Variants in CA1 observed in about 807,000 individuals in gnomAD.
CA1 encodes carbonate dehydratase I.
Under a neutral mutation model 28.8 loss-of-function variants are expected in CA1, and 27 were observed. That is an observed-to-expected ratio of 0.94 (90% CI 0.69 to 1.29). The LOEUF (loss-of-function observed/expected upper bound fraction) is 1.29. Ranked by LOEUF, CA1 falls within the 50% of genes most tolerant of loss-of-function variation. The pLI is 0.00. For missense variants in CA1, 335 were observed against 310.5 expected (o/e 1.08, Z -0.59); for synonymous variants, 121 against 108.8 (o/e 1.11, Z -0.70).
intron 1 of CA1, among the ~76,000 whole-genome samples, chr8:85,375,871 G>T (rs770729394): frequency 6.6e-6 from 1 of 152,184 alleles, no homozygotes; most frequent in Admixed American, 6.6e-5. Flanking sequence ...TGTTAATCAC[G>T]TAGGGAATGG....
intron 4 of CA1, among the ~76,000 whole-genome samples, chr8:85,335,105 A>T (rs535870847): frequency 2.0e-4 from 30 of 152,288 alleles, no homozygotes; most frequent in African/African-American, 7.0e-4. Flanking sequence ...ATTAAGAGGG[A>T]TCACTTATTG....
At chr8:85,333,681 A>G in intron 4 of CA1, 61 bp from the exon 5 acceptor site, 1 of 1,096,086 alleles carries the variant, frequency 9.1e-7, no homozygotes, top group Non-Finnish European at 1.4e-6. Flanking sequence ...AAGATAAGTT[A>G]TAAGTTAACT....
intron 1 of CA1, among the ~76,000 whole-genome samples, chr8:85,376,909 A>G (rs1003721360): frequency 6.6e-6 from 1 of 152,046 alleles, no homozygotes; most frequent in African/African-American, 2.4e-5. Flanking sequence ...TGATTCTCTG[A>G]TACAGTATCC....
intron 1 of CA1, among the ~76,000 whole-genome samples, chr8:85,357,995 G>C (rs1227289429): frequency 1.3e-5 from 2 of 152,092 alleles, no homozygotes; most frequent in African/African-American, 4.8e-5. Flanking sequence ...ACTAAGCATA[G>C]ATCTATGAAA....
chr8:85,358,772 C>T (rs1809694031), intron 1 of CA1, among the ~76,000 whole-genome samples: 1 of 152,144 alleles, frequency 6.6e-6, no homozygotes, highest in Non-Finnish European at 1.5e-5. Context: ...ACAGATGAGC[C>T]ATGTGAGAAA....
intron 2 of CA1, chr8:85,341,151 A>AC (rs925672018): frequency 1.3e-5 from 2 of 154,170 alleles, no homozygotes; most frequent in African/African-American, 4.8e-5. Flanking sequence ...TCAAAGAAAA[A>AC]AAAATTAATA....
intron 1 of CA1, among the ~76,000 whole-genome samples, chr8:85,355,004 G>T (rs1011163089): frequency 1.3e-5 from 2 of 152,168 alleles, no homozygotes; most frequent in Non-Finnish European, 2.9e-5. Context: ...TTGGTCTTAT[G>T]TAACAGCCAA....
chr8:85,358,432 A>G (rs2645050), intron 1 of CA1, among the ~76,000 whole-genome samples: 18,205 of 152,196 alleles, frequency 0.12, 1,353 homozygotes, highest in South Asian at 0.17. Flanking sequence ...TGTATTTATT[A>G]TATGCTTCCC....
chr8:85,357,062 C>G (rs1333348997), intron 1 of CA1, among the ~76,000 whole-genome samples: 1 of 152,096 alleles, frequency 6.6e-6, no homozygotes, highest in African/African-American at 2.4e-5. Flanking sequence ...TAATTGAACA[C>G]ATTACTATTT....
At chr8:85,364,489 TAATC>T (rs1278260282) in intron 1 of CA1, among the ~76,000 whole-genome samples, 2 of 152,226 alleles carry the variant, frequency 1.3e-5, no homozygotes, top group African/African-American at 2.4e-5. Flanking sequence ...CTTCAGTAGA[TAATC>T]AAACACTTTT....
In CA1 at chr8:85,341,670, A is replaced by C. The variant is rs766472185; in HGVS notation, c.-24-11T>G. 33 of 1,441,200 alleles carry C rather than the reference A, an allele frequency of 2.3e-5. No homozygotes were observed. Among genetic ancestry groups the C allele is most frequent in the Middle Eastern group, 1.7e-4 (1 of 5,802 alleles). 89.3% of individuals were successfully genotyped at this position (1,441,200 alleles called of 1,614,324 possible). ...CTGAGTTTTCTTTTTCTGAAAACAA[A>C]AATAATACCTGGAATAACTAACTGC... On this transcript the variant is annotated splice_polypyrimidine_tract_variant and intron_variant, in intron 1 of 7. Transcript: ENST00000523022.
intron 6 of CA1, among the ~76,000 whole-genome samples, chr8:85,331,601 T>G (rs1169248876): frequency 2.0e-5 from 3 of 151,912 alleles, no homozygotes; most frequent in African/African-American, 7.3e-5. Flanking sequence ...GGACTACATG[T>G]GTGCGCCACC....
rs1384104427 is a variant in CA1, at chr8:85,350,606, G to A, written c.-24-8947C>T. ...ACTGCCTGAGGGTTGCAAAATGAGG[G>A]GATGACATGTTGGCAAGTGCCTCAG... is the stretch of plus-strand genomic sequence containing the variant. On this transcript the variant is annotated intron_variant, in intron 1 of 7. Transcript: ENST00000523022. Among the ~76,000 whole-genome samples, 4 of 152,244 alleles carry A rather than the reference G, an allele frequency of 2.6e-5. No homozygotes were observed. The East Asian group carries it at 7.7e-4, about 29-fold the overall frequency.
intron 1 of CA1, among the ~76,000 whole-genome samples, chr8:85,345,953 CT>C (rs2130256233): frequency 6.6e-6 from 1 of 152,250 alleles, no homozygotes; most frequent in African/African-American, 2.4e-5. Context: ...AAATCCATCA[CT>C]TTTATGGCTT....
intron 1 of CA1, among the ~76,000 whole-genome samples, chr8:85,342,531 A>G (rs1808971679): frequency 6.6e-6 from 1 of 152,142 alleles, no homozygotes; most frequent in Admixed American, 6.5e-5. Context: ...ACCTCCACCA[A>G]ATGCCACACT....
chr8:85,342,625 A>T (rs1381500239), intron 1 of CA1: 3 of 152,288 alleles, frequency 2.0e-5, no homozygotes, highest in Non-Finnish European at 4.4e-5. Flanking sequence ...GAATGATGAG[A>T]AGGTACACAG....
intron 1 of CA1, among the ~76,000 whole-genome samples, chr8:85,376,110 C>T (rs1367490516): frequency 6.6e-6 from 1 of 152,102 alleles, no homozygotes; most frequent in Non-Finnish European, 1.5e-5. Flanking sequence ...GCTGGTGGAT[C>T]GCTTGAGGTT....
At chr8:85,368,623 A>C (rs1361174499) in intron 1 of CA1, among the ~76,000 whole-genome samples, 4 of 152,090 alleles carry the variant, frequency 2.6e-5, no homozygotes, top group African/African-American at 9.7e-5. Flanking sequence ...TGAAATGCAC[A>C]GTGTGCTCTT....
intron 1 of CA1, among the ~76,000 whole-genome samples, chr8:85,356,650 A>G (rs1809616045): frequency 6.6e-6 from 1 of 152,202 alleles, no homozygotes; most frequent in Non-Finnish European, 1.5e-5. Context: ...GCTTCTGAAA[A>G]GTGCTTTCCT....
Sources: gnomAD v4.1 joint callset for allele counts (sites outside exome capture counted in the v4.1 genomes callset) on GRCh38, gnomAD v4.1.1 for gene constraint, MANE v1.5 for transcripts, NCBI Gene and HGNC (gene_info 2026-07-23, HGNC 2026-07-21) for gene names.